The following COL24A1 variants were observed in gnomAD, a reference collection of about 807,000 sequenced individuals.
The protein encoded by COL24A1 is collagen type XXIV alpha 1 chain.
COL24A1 carries 224 observed loss-of-function variants against 253.9 expected under a neutral mutation model. That is an observed-to-expected ratio of 0.88 (90% CI 0.79 to 0.99). The LOEUF is 0.99. Ranked by LOEUF, COL24A1 falls within the 50% of genes least tolerant of loss-of-function variation. COL24A1 has a pLI of 0.00. For missense variants in COL24A1, 2,131 were observed against 2,068.5 expected, an observed-to-expected ratio of 1.03 and a Z score of -0.59; for synonymous variants, 685 against 673.7, an observed-to-expected ratio of 1.02 and a Z score of -0.26.
intron 10 of COL24A1, among the ~76,000 whole-genome samples, chr1:86,054,702 A>G (rs1320050402): frequency 6.6e-6 from 1 of 152,214 alleles, no homozygotes; most frequent in Non-Finnish European, 1.5e-5. Context: ...GGTAATGCAA[A>G]TTAGTTCAGC....
chr1:85,779,209 C>T (rs1239752085), intron 52 of COL24A1, among the ~76,000 whole-genome samples: 3 of 151,962 alleles, frequency 2.0e-5, no homozygotes, highest in Non-Finnish European at 4.4e-5. Flanking sequence ...ACTATGTTGC[C>T]CAGGCTGTGT....
chr1:85,838,617 C>A lies in COL24A1; in HGVS notation c.3649G>T (p.Glu1217Ter). Reference protein sequence around the residue: ...GEPGPVGDQGERGEPGAEGYK... With the variant: ...GEPGPVGDQG The stretch of plus-strand genomic sequence containing the variant: ...CCCTCTGCTCCAGGCTCTCCTCTCT[C>A]TCCTTGGTCCCCCACTGGACCCTAC... The change falls in exon 43 of 60, where the codon GAG becomes TAG. Residue 1217 changes from glutamate (E) to a stop codon, truncating the protein, a stop_gained. Transcript: ENST00000370571. LOFTEE classifies it high-confidence loss of function. 6.2e-7 allele frequency: 1 copy of A among 1,613,978 alleles called. No individual in the cohort carries two copies. The highest frequency in any genetic ancestry group is 8.5e-7 in the Non-Finnish European group (1 of 1,179,844).
At chr1:85,765,867 G>C (rs977113805) in intron 53 of COL24A1, among the ~76,000 whole-genome samples, 2 of 152,024 alleles carry the variant, frequency 1.3e-5, no homozygotes, top group Admixed American at 1.3e-4. Context: ...TCCAGCAGTC[G>C]TCTTTGCATT....
intron 53 of COL24A1, 60 bp downstream of exon 53, chr1:85,775,614 T>A: frequency 7.2e-7 from 1 of 1,387,764 alleles, no homozygotes. Flanking sequence ...GGTCCTTGCT[T>A]TCATGGAGCT....
intron 20 of COL24A1, among the ~76,000 whole-genome samples, chr1:85,985,618 A>G (rs1198220084): frequency 6.6e-6 from 1 of 151,824 alleles, no homozygotes; most frequent in Admixed American, 6.6e-5. Context: ...CAATTACACT[A>G]TCCTGGTGAA....
chr1:86,099,938 A>T (rs1828018), intron 5 of COL24A1, among the ~76,000 whole-genome samples: 127,508 of 151,612 alleles, frequency 0.84, 54,515 homozygotes, highest in Non-Finnish European at 0.92. Flanking sequence ...TCTTTTTTTT[A>T]AAATTTTATT....
At chr1:85,795,030 A>G (rs532563349) in intron 47 of COL24A1, among the ~76,000 whole-genome samples, 37 of 152,342 alleles carry the variant, frequency 2.4e-4, no homozygotes, top group Non-Finnish European at 4.4e-4. Flanking sequence ...AATGACAACA[A>G]CAACATCAAC....
At chr1:85,771,276 GGT>G (rs889082196) in intron 53 of COL24A1, among the ~76,000 whole-genome samples, 18 of 151,792 alleles carry the variant, frequency 1.2e-4, no homozygotes, top group African/African-American at 3.9e-4. Context: ...GACAGGCCCC[GGT>G]GTGTGATGTT....
At chr1:86,129,112 T>C (rs764510612) in intron 2 of COL24A1, among the ~76,000 whole-genome samples, 4 of 151,864 alleles carry the variant, frequency 2.6e-5, no homozygotes, top group Non-Finnish European at 5.9e-5. Context: ...TTTCCTAATC[T>C]CTTCTATGTT....
rs1335065716 is a variant in COL24A1, at chr1:85,874,664, C to T, written c.3123G>A (p.Gly1041=). 4 of 1,612,366 alleles carry T rather than the reference C, an allele frequency of 2.5e-6. No individual in the cohort carries two copies. In the South Asian group the frequency reaches 4.4e-5, roughly 18 times the overall value. ...VGTAGSVGGT[G]EPGLRGEPGA... ...GGGCACTCACCCGTAAACCTGGTTC[C>T]CCAGTTCCTCCAACACTGCCAGCAG... The change falls in exon 35 of 60, where the codon GGG becomes GGA. Residue 1041 remains glycine (G), a synonymous_variant. Transcript: ENST00000370571.
intron 10 of COL24A1, among the ~76,000 whole-genome samples, chr1:86,057,420 A>G (rs750232340): frequency 6.6e-6 from 1 of 152,222 alleles, no homozygotes; most frequent in Non-Finnish European, 1.5e-5. Context: ...ACAATATAAT[A>G]TAGAAATGTT....
chr1:86,131,952 T>C (rs1031472991), intron 2 of COL24A1, among the ~76,000 whole-genome samples: 1 of 152,150 alleles, frequency 6.6e-6, no homozygotes, highest in Non-Finnish European at 1.5e-5. Context: ...TTTCCACAAT[T>C]GTTGAACTAG....
At chr1:86,085,967 T>A in intron 7 of COL24A1, among the ~76,000 whole-genome samples, 1 of 151,700 alleles carries the variant, frequency 6.6e-6, no homozygotes, top group East Asian at 1.9e-4. Flanking sequence ...TCACTTTCAG[T>A]TTTCAAGACT....
chr1:85,881,288 A>G (rs1019590839), intron 32 of COL24A1, among the ~76,000 whole-genome samples: 4 of 152,044 alleles, frequency 2.6e-5, no homozygotes, highest in African/African-American at 9.7e-5. Context: ...TATTCAGGTT[A>G]TCCCTTTCTG....
chr1:85,883,348 T>C (rs974942646), intron 32 of COL24A1, among the ~76,000 whole-genome samples: 1 of 151,976 alleles, frequency 6.6e-6, no homozygotes, highest in African/African-American at 2.4e-5. Context: ...GCCCCCTGAG[T>C]AGCTGGGACT....
chr1:86,089,187 A>C lies in COL24A1; in HGVS notation c.1694T>G (p.Met565Arg), dbSNP rs745549731. ...GLSGLMGPPG[M>R]QGDKGLKGHP... is the part of the protein sequence containing the mutation. Reference sequence around the variant, plus strand: ...ATTCCAACTTACCTTATCACCTTGCATACCAGGGGGGCCCATTAATCCAGA... The same window carrying C: ...ATTCCAACTTACCTTATCACCTTGCCTACCAGGGGGGCCCATTAATCCAGA... Residue 565 changes from methionine to arginine, a missense_variant, in exon 7 of 60, where the codon ATG becomes AGG. Coordinates refer to ENST00000370571, the MANE Select transcript of COL24A1 (RefSeq NM_152890.7). 4.4e-6 allele frequency: 7 copies of C among 1,582,388 alleles called. No individual in the cohort carries two copies. The highest frequency in any genetic ancestry group is 6.0e-6 in the Non-Finnish European group (7 of 1,171,946).
At position 85,734,803 on chromosome 1, in the gene COL24A1, C is replaced by T; in HGVS notation, c.4944G>A (p.Gln1648=). 6.2e-7 allele frequency: 1 copy of T among 1,614,168 alleles called. No individual in the cohort carries two copies. The highest frequency in any genetic ancestry group is 8.5e-7 in the Non-Finnish European group (1 of 1,180,022). ...LPIGFKGWNG[Q]IFKVNTLLEP... Reference sequence around the variant, plus strand: ...CAAGTAGAGTGTTTACTTTAAAAATCTGGCCATTCCATCCCTTGAAACCAA... The same window carrying T: ...CAAGTAGAGTGTTTACTTTAAAAATTTGGCCATTCCATCCCTTGAAACCAA... The change falls in exon 59 of 60, where the codon CAG becomes CAA. Residue 1648 remains glutamine (Q), a synonymous_variant. Transcript: ENST00000370571.
At chr1:85,981,379 C>A (rs897751525) in intron 20 of COL24A1, among the ~76,000 whole-genome samples, 5 of 152,006 alleles carry the variant, frequency 3.3e-5, no homozygotes, top group Admixed American at 2.0e-4. Context: ...CAAACAAAAA[C>A]ATAAAGTGGG....
intron 2 of COL24A1, among the ~76,000 whole-genome samples, chr1:86,140,655 A>G (rs1650943745): frequency 6.6e-6 from 1 of 152,264 alleles, no homozygotes; most frequent in Non-Finnish European, 1.5e-5. Flanking sequence ...AAAGATGTGC[A>G]TGTTAAGAAT....
Sources: allele counts gnomAD v4.1 joint callset (sites outside exome capture counted in the v4.1 genomes callset), GRCh38; gene constraint gnomAD v4.1.1; transcripts MANE v1.5; gene names NCBI Gene and HGNC (gene_info 2026-07-23, HGNC 2026-07-21).